Variants in FYCO1 observed in about 807,000 individuals in gnomAD.
The protein encoded by FYCO1 is FYVE and coiled-coil domain autophagy adaptor 1, also known as FYVE and coiled-coil domain-containing protein 1.
FYCO1 carries 122 observed loss-of-function variants against 165.1 expected under a neutral mutation model. The ratio of observed to expected loss-of-function variants is 0.74; its 90% CI spans 0.64 to 0.86. The LOEUF (loss-of-function observed/expected upper bound fraction) is 0.86. Among genes scored for constraint, FYCO1 ranks in the 40% least tolerant of loss-of-function variants. FYCO1 has a pLI of 0.00. For synonymous variants in FYCO1, 648 were observed against 742.5 expected (o/e 0.87, Z 2.07); for missense variants, 1,702 against 1,810.3 (o/e 0.94, Z 1.09).
At chr3:45,943,713 G>A (rs950646688) in intron 14 of FYCO1, among the ~76,000 whole-genome samples, 6 of 152,166 alleles carry the variant, frequency 3.9e-5, no homozygotes, top group Non-Finnish European at 8.8e-5. Context: ...TGCTGTGTGG[G>A]TTAAACTGGA....
Position 45,973,076 on chromosome 3 carries a change from C to T in FYCO1, c.539+12G>A. 1.9e-6 allele frequency: 3 copies of T among 1,614,142 alleles called. No individual in the cohort carries two copies. The highest frequency in any genetic ancestry group is 2.5e-6 in the Non-Finnish European group (3 of 1,180,008). ...TTTCCTGTCTTTTAAACCAAGCAATCCTTCAAAGTACCTGGCAAATGTTGG... is the reference window on the plus strand; with the variant it reads ...TTTCCTGTCTTTTAAACCAAGCAATTCTTCAAAGTACCTGGCAAATGTTGG... On this transcript the variant is annotated intron_variant, in intron 6 of 17. Coordinates refer to ENST00000296137, the MANE Select transcript of FYCO1 (RefSeq NM_024513.4).
At chr3:45,952,475 T>C (rs1312688901) in intron 14 of FYCO1, among the ~76,000 whole-genome samples, 1 of 152,196 alleles carries the variant, frequency 6.6e-6, no homozygotes. Flanking sequence ...AAAAAGTGTC[T>C]GACAACGCAG....
chr3:45,946,534 G>GC (rs753914656), intron 14 of FYCO1: 1 of 1,614,194 alleles, frequency 6.2e-7, no homozygotes. Context: ...TTCAATGACA[G>GC]CAGCCAGGAG....
At chr3:45,968,824 G>T in intron 7 of FYCO1, 121 bp from the exon 8 acceptor site, 1 of 1,165,422 alleles carries the variant, frequency 8.6e-7, no homozygotes, top group Non-Finnish European at 1.2e-6. Context: ...CCTAAGGTTA[G>T]TCTAAAGAAC....
At position 45,962,944 on chromosome 3, in the gene FYCO1, G is replaced by C. The variant is rs1380431133; in HGVS notation, c.3270-552C>G. 6.6e-6 allele frequency among the ~76,000 whole-genome samples: 1 copy of C among 152,154 alleles called. No individual in the cohort carries two copies. The highest frequency in any genetic ancestry group is 2.4e-5 in the African/African-American group (1 of 41,428). On this transcript the variant is annotated intron_variant, in intron 10 of 17. Coordinates refer to ENST00000296137, the MANE Select transcript of FYCO1 (RefSeq NM_024513.4). This position sits in a 1 kb window ranked among gnomAD's most constrained non-coding sequence, Gnocchi z 4.4. ...AGGGAATTCCGTTTTGGGTGCTGCAGGGTGTCTCAGTCTATAGCAGAGGGA... is the reference window on the plus strand; with the variant it reads ...AGGGAATTCCGTTTTGGGTGCTGCACGGTGTCTCAGTCTATAGCAGAGGGA...
intron 4 of FYCO1, among the ~76,000 whole-genome samples, chr3:45,977,678 C>T (rs566664244): frequency 5.9e-5 from 9 of 151,876 alleles, no homozygotes; most frequent in South Asian, 4.2e-4. Flanking sequence ...GAGCCCGATG[C>T]CGAGCTACAC....
intron 4 of FYCO1, among the ~76,000 whole-genome samples, chr3:45,977,013 C>T (rs1575380852): frequency 6.6e-6 from 1 of 152,134 alleles, no homozygotes; most frequent in East Asian, 1.9e-4. Flanking sequence ...AGCAGATGCG[C>T]GGGGGAGAAT....
At chr3:45,948,880 G>T (rs1232921784) in intron 14 of FYCO1, among the ~76,000 whole-genome samples, 3 of 152,168 alleles carry the variant, frequency 2.0e-5, no homozygotes, top group Non-Finnish European at 4.4e-5. Context: ...GTGAAACATG[G>T]ATCATAACAG....
At chr3:45,943,292 A>G (rs774583183) in intron 14 of FYCO1, among the ~76,000 whole-genome samples, 2 of 152,152 alleles carry the variant, frequency 1.3e-5, no homozygotes, top group African/African-American at 2.4e-5. Context: ...ATCAGCCCCA[A>G]AGCAGAATGA....
At chr3:45,992,260 G>A (rs1707595075) in intron 1 of FYCO1, among the ~76,000 whole-genome samples, 1 of 152,174 alleles carries the variant, frequency 6.6e-6, no homozygotes, top group South Asian at 2.1e-4. Context: ...TGGTGGGCCT[G>A]GGTTCTGTTG....
intron 4 of FYCO1, among the ~76,000 whole-genome samples, chr3:45,976,508 G>C (rs1380737860): frequency 6.6e-6 from 1 of 152,158 alleles, no homozygotes; most frequent in Non-Finnish European, 1.5e-5. Flanking sequence ...ACAAGCACCT[G>C]CTCTCTCAGG....
chr3:45,969,739 G>C lies in FYCO1; in HGVS notation c.566C>G (p.Ala189Gly). The change falls in exon 7 of 18, where the codon GCT (alanine) becomes GGT (glycine). Residue 189 changes from alanine (A) to glycine (G), a missense_variant. Coordinates refer to ENST00000296137, the MANE Select transcript of FYCO1 (RefSeq NM_024513.4). ...ARRTLTTGSS[A>G]YLWKPPSRSS... ...GCGGCTAGGGGGTTTCCACAGGTAA[G>C]CAGAAGAGCCAGTGGTCAGCGTCCT... The C allele has an allele frequency of 6.2e-7, 1 of 1,613,982 alleles. No homozygotes were observed. Among genetic ancestry groups the C allele is most frequent in the Non-Finnish European group, 8.5e-7 (1 of 1,179,986 alleles).
chr3:45,955,217 G>A, intron 14 of FYCO1, 32 bp downstream of exon 14: 1 of 1,611,426 alleles, frequency 6.2e-7, no homozygotes, highest in Non-Finnish European at 8.5e-7. Context: ...CCTGTAATGA[G>A]CACTCAGGAA....
At chr3:45,955,455 T>A in intron 13 of FYCO1, 62 bp from the exon 14 acceptor site, 1 of 1,594,954 alleles carries the variant, frequency 6.3e-7, no homozygotes, top group South Asian at 1.1e-5. Flanking sequence ...ATAGGCTGGG[T>A]AAGGGCCCTT....
chr3:45,957,263 T>C (rs542382357), intron 13 of FYCO1, among the ~76,000 whole-genome samples: 71 of 152,342 alleles, frequency 4.7e-4, no homozygotes, highest in Admixed American at 3.7e-3. Flanking sequence ...AAATGCATCA[T>C]AGGCCTAAAT....
Position 45,967,761 on chromosome 3 carries a change from C to A in FYCO1, c.1573G>T (p.Val525Leu). The A allele has an allele frequency of 6.2e-7, 1 of 1,613,616 alleles. No individual in the cohort carries two copies. The highest frequency in any genetic ancestry group is 8.5e-7 in the Non-Finnish European group (1 of 1,180,024). ...TCCAGGTCACTCACATGTTGGCTCA[C>A]CTGTGCCAGCTGGGTCTCCAGGAAC... ...LQFLETQLAQVSQHVSDLEEQ... is the reference protein window; with the variant it reads ...LQFLETQLAQLSQHVSDLEEQ... The change falls in exon 8 of 18, where the codon GTG becomes TTG. Residue 525 changes from valine (V) to leucine (L), a missense_variant. Coordinates refer to ENST00000296137, the MANE Select transcript of FYCO1 (RefSeq NM_024513.4).
chr3:45,947,486 G>C, intron 14 of FYCO1: 1 of 1,614,002 alleles, frequency 6.2e-7, no homozygotes, highest in Non-Finnish European at 8.5e-7. Context: ...ACAATGTGGA[G>C]GCCACCAGCA....
rs1703034716 is a variant in FYCO1, at chr3:45,919,965, AC to A, written c.*1799del. The A allele has an allele frequency of 6.6e-6, 1 of 152,210 alleles. No individual in the cohort carries two copies. The highest frequency in any genetic ancestry group is 2.1e-4 in the South Asian group (1 of 4,832). The allele number at this position is 152,210 out of a possible 1,614,324, so 9.4% of individuals were successfully genotyped here. ...CTTGGCCAGGAGAAGATGATTGAGCACCTGATGGCTTTCTGCCAGAAGAGGC... is the reference window on the plus strand; with the variant it reads ...CTTGGCCAGGAGAAGATGATTGAGCACTGATGGCTTTCTGCCAGAAGAGGC... On this transcript the variant is annotated 3_prime_UTR_variant, in exon 18 of 18. Transcript: ENST00000296137.
rs749051035 is a variant in FYCO1 at position 45,962,575 on chromosome 3, A to G, written c.3270-183T>C. Among the ~76,000 whole-genome samples, 2 of 152,122 alleles carry G rather than the reference A, an allele frequency of 1.3e-5. No individual in the cohort carries two copies. Among genetic ancestry groups the G allele is most frequent in the African/African-American group, 2.4e-5 (1 of 41,422 alleles). ...AGACTCTCCTCTCACCCCCACATAC[A>G]AAGGGGCATTCTGGGAGGGAAAGCA... On this transcript the variant is annotated intron_variant, in intron 10 of 17. Transcript: ENST00000296137. This position sits in a 1 kb window ranked among gnomAD's most constrained non-coding sequence, Gnocchi z 4.4.
Sources: gnomAD v4.1 joint callset for allele counts (sites outside exome capture counted in the v4.1 genomes callset) on GRCh38, gnomAD v4.1.1 for gene constraint, Gnocchi (gnomAD v3.1) non-coding constraint, MANE v1.5 for transcripts, NCBI Gene and HGNC (gene_info 2026-07-23, HGNC 2026-07-21) for gene names.